Variants in ACTR3B observed in about 807,000 individuals in gnomAD.
ACTR3B encodes actin related protein 3B.
ACTR3B carries 8 observed loss-of-function variants against 59.0 expected under a neutral mutation model. That is an observed-to-expected ratio of 0.14 (90% CI 0.08 to 0.24). The LOEUF (loss-of-function observed/expected upper bound fraction) is 0.24, where lower values mean the gene tolerates loss of function less well. Ranked by LOEUF, ACTR3B falls within the 10% of genes least tolerant of loss-of-function variation. The pLI, the probability that ACTR3B is intolerant of heterozygous loss-of-function variation, is 1.00. For missense variants in ACTR3B, 245 were observed against 552.3 expected (o/e 0.44, Z 5.58); for synonymous variants, 148 against 197.9 (o/e 0.75, Z 2.12).
intron 2 of ACTR3B, among the ~76,000 whole-genome samples, chr7:152,792,741 C>G (rs1378582729): frequency 1.3e-5 from 2 of 151,980 alleles, no homozygotes; most frequent in Non-Finnish European, 2.9e-5. Flanking sequence ...GAGCGATACT[C>G]CATCTCAAAA....
intron 1 of ACTR3B, among the ~76,000 whole-genome samples, chr7:152,769,453 A>G (rs1459140316): frequency 6.6e-6 from 1 of 152,140 alleles, no homozygotes; most frequent in Non-Finnish European, 1.5e-5. Flanking sequence ...AGATATATAT[A>G]TATTTCTCCA....
chr7:152,808,396 G>C (rs992798871), intron 4 of ACTR3B, among the ~76,000 whole-genome samples: 1 of 151,054 alleles, frequency 6.6e-6, no homozygotes, highest in South Asian at 2.1e-4. Context: ...CTTTAAATTT[G>C]TATGTTGGTA....
At chr7:152,797,052 C>T (rs1406689179) in intron 2 of ACTR3B, among the ~76,000 whole-genome samples, 4 of 151,586 alleles carry the variant, frequency 2.6e-5, no homozygotes, top group Non-Finnish European at 5.9e-5. Context: ...GAAATTCAGT[C>T]ACAAGGATTT....
Position 152,854,693 on chromosome 7 carries a change from G to A in ACTR3B, c.*140G>A, listed in dbSNP as rs1023710986. 5.3e-5 allele frequency: 43 copies of A among 815,524 alleles called. No homozygotes were observed. The East Asian group carries it at 8.3e-4, about 16-fold the overall frequency. 50.5% of individuals were successfully genotyped at this position (815,524 alleles called of 1,614,324 possible). A position where few individuals can be genotyped will look rare whatever the true frequency, so the allele number is the denominator to read the frequency against. On this transcript the variant is annotated 3_prime_UTR_variant, in exon 12 of 12. Coordinates refer to ENST00000256001, the MANE Select transcript of ACTR3B (RefSeq NM_020445.6). The surrounding 1 kb of genome is among the most constrained non-coding windows in gnomAD (Gnocchi z 4.9). ...TGCTTGCATTGCCGGTGCATGAGGC[G>A]CGGCGCGGGCCCTTCAGTAAAAGCC...
intron 1 of ACTR3B, among the ~76,000 whole-genome samples, chr7:152,769,098 C>G (rs1267004369): frequency 6.6e-6 from 1 of 152,106 alleles, no homozygotes. Flanking sequence ...GGTGATCCAC[C>G]CGCCTCTGCC....
At chr7:152,851,509 G>A (rs754377956) in intron 9 of ACTR3B, among the ~76,000 whole-genome samples, 1 of 152,218 alleles carries the variant, frequency 6.6e-6, no homozygotes, top group Non-Finnish European at 1.5e-5. Context: ...TTGACAACGC[G>A]GAGATGCTGG....
intron 1 of ACTR3B, among the ~76,000 whole-genome samples, chr7:152,779,041 A>G (rs1037519696): frequency 1.4e-4 from 20 of 148,138 alleles, no homozygotes; most frequent in Non-Finnish European, 2.2e-4. Flanking sequence ...TCAGTATTAT[A>G]GACATATCGT....
rs113559773 is a variant in ACTR3B, at chr7:152,780,352, C to CAAA, written c.45-2823_45-2821dup. Among the ~76,000 whole-genome samples the CAAA allele has an allele frequency of 5.2e-3, 687 of 131,330 alleles. 4 individuals are homozygous for CAAA. The highest frequency in any genetic ancestry group is 0.016 in the African/African-American group (541 of 34,500). The allele number at this position is 131,330 out of a possible 152,430, so 86.2% of individuals were successfully genotyped here. ...TGCTCGAAAGAGCGAAACTCTGTCT[C>CAAA]AAAAAAAAAAAAAATTAATATATCT... On this transcript the variant is annotated intron_variant, in intron 1 of 11. Transcript: ENST00000256001.
chr7:152,853,663 G>C, intron 11 of ACTR3B, 86 bp downstream of exon 11: 4 of 1,182,500 alleles, frequency 3.4e-6, no homozygotes, highest in Admixed American at 2.0e-5. Flanking sequence ...AGGTGAAATA[G>C]TGTGTGCCCT....
At chr7:152,831,670 G>T (rs890657440) in intron 9 of ACTR3B, among the ~76,000 whole-genome samples, 17 of 152,368 alleles carry the variant, frequency 1.1e-4, no homozygotes, top group Non-Finnish European at 1.6e-4. Flanking sequence ...GCATGGGAGG[G>T]GAAGGGTTTT....
chr7:152,773,165 G>T (rs2098128287), intron 1 of ACTR3B, among the ~76,000 whole-genome samples: 1 of 146,344 alleles, frequency 6.8e-6, no homozygotes, highest in African/African-American at 2.5e-5. Context: ...GAGTAAGACT[G>T]TTGCACCTGA....
chr7:152,765,157 G>A (rs1259306947), intron 1 of ACTR3B, among the ~76,000 whole-genome samples: 5 of 63,828 alleles, frequency 7.8e-5, no homozygotes, highest in Non-Finnish European at 1.2e-4. Context: ...TGCTTTCATT[G>A]TTCAGGCTGG....
At chr7:152,830,843 C>T (rs1409234975) in intron 9 of ACTR3B, among the ~76,000 whole-genome samples, 1 of 152,050 alleles carries the variant, frequency 6.6e-6, no homozygotes, top group Non-Finnish European at 1.5e-5. Flanking sequence ...ACCACTGCGC[C>T]GGCTCTATTT....
intron 6 of ACTR3B, 46 bp from the exon 7 acceptor site, chr7:152,820,253 C>T: frequency 6.3e-7 from 1 of 1,575,194 alleles, no homozygotes; most frequent in Non-Finnish European, 8.7e-7. Flanking sequence ...CTGCTCTCCA[C>T]CACGAAATCA....
chr7:152,801,529 C>G, intron 3 of ACTR3B, 92 bp from the exon 4 acceptor site: 1 of 1,546,322 alleles, frequency 6.5e-7, no homozygotes, highest in South Asian at 1.2e-5. Flanking sequence ...TACCTTTATT[C>G]TTAATAACAC....
Position 152,824,900 on chromosome 7 carries a change from T to C in ACTR3B, c.859-130T>C. ...CACATGGGATTCATTTGACATATCC[T>C]TCATTCCAATGTGAATTCTTTTAAG... On this transcript the variant is annotated intron_variant, in intron 8 of 11. Transcript: ENST00000256001. This position sits in a 1 kb window ranked among gnomAD's most constrained non-coding sequence, Gnocchi z 4.2. 2.8e-6 allele frequency: 3 copies of C among 1,071,646 alleles called. No individual in the cohort carries two copies. The highest frequency in any genetic ancestry group is 3.9e-6 in the Non-Finnish European group (3 of 764,524). 66.4% of individuals were successfully genotyped at this position (1,071,646 alleles called of 1,614,324 possible).
intron 1 of ACTR3B, among the ~76,000 whole-genome samples, chr7:152,764,431 A>G (rs188815124): frequency 3.6e-4 from 55 of 152,152 alleles, no homozygotes; most frequent in Non-Finnish European, 5.9e-5. Flanking sequence ...CAGGAGATCG[A>G]GACCATCCTG....
At chr7:152,782,582 T>TTCTC (rs1424796407) in intron 1 of ACTR3B, among the ~76,000 whole-genome samples, 14 of 152,098 alleles carry the variant, frequency 9.2e-5, no homozygotes, top group Non-Finnish European at 4.4e-5. Flanking sequence ...TGTCAGATGA[T>TTCTC]TCTCAGGAGA....
In ACTR3B at chr7:152,794,109, T is replaced by C. The variant is rs569604382; in HGVS notation, c.101-6422T>C. 3.1e-4 allele frequency among the ~76,000 whole-genome samples: 47 copies of C among 152,372 alleles called. No homozygotes were observed. In the South Asian group the frequency reaches 8.7e-3, roughly 28 times the overall value. On this transcript the variant is annotated intron_variant, in intron 2 of 11. Transcript: ENST00000256001. ...CAAAATATTTGGAATATAAGCTCTA[T>C]ATACTTTTATTCTCTTGCATGGATA...
Sources: allele counts gnomAD v4.1 joint callset (sites outside exome capture counted in the v4.1 genomes callset), GRCh38; gene constraint gnomAD v4.1.1; non-coding constraint Gnocchi (gnomAD v3.1); transcripts MANE v1.5; gene names NCBI Gene and HGNC (gene_info 2026-07-23, HGNC 2026-07-21).